Variants in IQCJ observed in about 807,000 individuals in gnomAD.
IQCJ encodes IQ domain-containing protein J.
IQCJ carries 9 observed loss-of-function variants against 11.0 expected under a neutral mutation model. The ratio of observed to expected loss-of-function variants is 0.82; its 90% CI spans 0.49 to 1.43. The LOEUF (loss-of-function observed/expected upper bound fraction) is 1.43, where lower values mean the gene tolerates loss of function less well. Among genes scored for constraint, IQCJ ranks in the 40% most tolerant of loss-of-function variants. The pLI is 0.00. For synonymous variants in IQCJ, 55 were observed against 51.3 expected, an observed-to-expected ratio of 1.07 and a Z score of -0.31; for missense variants, 146 against 133.2, an observed-to-expected ratio of 1.10 and a Z score of -0.47.
chr3:159,108,877 A>G (rs987110800), intron 1 of IQCJ, among the ~76,000 whole-genome samples: 7 of 152,218 alleles, frequency 4.6e-5, no homozygotes, highest in South Asian at 2.1e-4. Flanking sequence ...AACTACTGTA[A>G]TATAAAATGG....
At chr3:159,168,375 T>C (rs1324349022) in intron 1 of IQCJ, among the ~76,000 whole-genome samples, 2 of 152,216 alleles carry the variant, frequency 1.3e-5, no homozygotes, top group African/African-American at 4.8e-5. Flanking sequence ...TGTGTAAATC[T>C]CGTGACTTGA....
intron 1 of IQCJ, among the ~76,000 whole-genome samples, chr3:159,114,562 T>A (rs1437239963): frequency 1.4e-5 from 2 of 147,228 alleles, no homozygotes; most frequent in Non-Finnish European, 3.0e-5. Context: ...CCACCCCCCC[T>A]CGGCCTCTCA....
intron 1 of IQCJ, among the ~76,000 whole-genome samples, chr3:159,152,350 T>G (rs1577044115): frequency 6.6e-6 from 1 of 152,240 alleles, no homozygotes; most frequent in East Asian, 1.9e-4. Context: ...GGCCATAGTT[T>G]CCCTTCTCTG....
intron 1 of IQCJ, among the ~76,000 whole-genome samples, chr3:159,144,793 T>C (rs992802954): frequency 6.6e-6 from 1 of 152,064 alleles, no homozygotes; most frequent in African/African-American, 2.4e-5. Context: ...AAGGAGGAAA[T>C]AAAGCAATGA....
At chr3:159,243,674 G>A (rs747740401) in intron 1 of IQCJ, among the ~76,000 whole-genome samples, 31 of 152,208 alleles carry the variant, frequency 2.0e-4, no homozygotes, top group Middle Eastern at 6.8e-3. Context: ...ATATTGTTTC[G>A]GCTGTGACTC....
chr3:159,157,551 A>T (rs1281508970), intron 1 of IQCJ, among the ~76,000 whole-genome samples: 1 of 152,174 alleles, frequency 6.6e-6, no homozygotes, highest in Non-Finnish European at 1.5e-5. Context: ...AACTTTTTTA[A>T]AAAATGTTTT....
intron 1 of IQCJ, among the ~76,000 whole-genome samples, chr3:159,211,687 A>G (rs1480399467): frequency 1.3e-5 from 2 of 152,222 alleles, no homozygotes; most frequent in Admixed American, 6.5e-5. Flanking sequence ...TTAAATGGCA[A>G]TAAGGTGCAA....
intron 1 of IQCJ, among the ~76,000 whole-genome samples, chr3:159,107,729 G>A (rs1718351717): frequency 6.6e-6 from 1 of 152,104 alleles, no homozygotes; most frequent in Admixed American, 6.6e-5. Context: ...CCATTTTATG[G>A]ATGAAGAAAC....
chr3:159,251,259 T>C (rs923659040), intron 2 of IQCJ, among the ~76,000 whole-genome samples: 1 of 152,050 alleles, frequency 6.6e-6, no homozygotes, highest in African/African-American at 2.4e-5. Context: ...TCCAGCACAA[T>C]TTTTTTCTTT....
At chr3:159,106,349 A>T (rs1000394379) in intron 1 of IQCJ, among the ~76,000 whole-genome samples, 1 of 152,156 alleles carries the variant, frequency 6.6e-6, no homozygotes, top group Non-Finnish European at 1.5e-5. Context: ...AGTTGTCTGT[A>T]TAAAGATGGT....
At chr3:159,185,414 A>G (rs977332007) in intron 1 of IQCJ, among the ~76,000 whole-genome samples, 3 of 152,206 alleles carry the variant, frequency 2.0e-5, no homozygotes, top group Non-Finnish European at 4.4e-5. Context: ...AGTCTAAAAG[A>G]AGGATAGAAA....
In IQCJ at chr3:159,124,414, T is replaced by C. The variant is rs141444200; in HGVS notation, c.9+54973T>C. On this transcript the variant is annotated intron_variant, in intron 1 of 3. Coordinates refer to ENST00000397832, the MANE Select transcript of IQCJ (RefSeq NM_001042706.3). ...AATGTGGTCCCCAGGCTCAGATCAC[T>C]CTCCTCCTCACTCTCTGCACCCTGT... Among the ~76,000 whole-genome samples, 535 of 152,232 alleles carry C rather than the reference T, an allele frequency of 3.5e-3. 1 individual carries two copies. Among genetic ancestry groups the C allele is most frequent in the African/African-American group, 0.012 (514 of 41,526 alleles).
intron 1 of IQCJ, among the ~76,000 whole-genome samples, chr3:159,156,497 G>A (rs1266515939): frequency 6.6e-6 from 1 of 152,176 alleles, no homozygotes; most frequent in Non-Finnish European, 1.5e-5. Flanking sequence ...AAGTTTTGCT[G>A]TAGTGGAGTG....
intron 1 of IQCJ, among the ~76,000 whole-genome samples, chr3:159,112,662 G>A (rs1023598742): frequency 2.6e-5 from 4 of 152,122 alleles, no homozygotes; most frequent in Admixed American, 2.0e-4. Context: ...GATGCTGACC[G>A]TAGCCTCGCA....
At chr3:159,214,290 C>T (rs1325752019) in intron 1 of IQCJ, among the ~76,000 whole-genome samples, 1 of 152,104 alleles carries the variant, frequency 6.6e-6, no homozygotes, top group Non-Finnish European at 1.5e-5. Flanking sequence ...ACAACTCTCC[C>T]TTTTTTCCTG....
intron 1 of IQCJ, among the ~76,000 whole-genome samples, chr3:159,166,770 G>A (rs1001040645): frequency 3.9e-5 from 6 of 152,150 alleles, no homozygotes; most frequent in African/African-American, 1.4e-4. Context: ...TCAGCCAGTA[G>A]CTGATTTCAA....
At chr3:159,109,006 C>T (rs989635018) in intron 1 of IQCJ, among the ~76,000 whole-genome samples, 2 of 152,148 alleles carry the variant, frequency 1.3e-5, no homozygotes, top group South Asian at 2.1e-4. Context: ...AACACATTAT[C>T]TAATTTAATT....
intron 1 of IQCJ, among the ~76,000 whole-genome samples, chr3:159,074,386 A>T (rs1315786184): frequency 6.6e-6 from 1 of 152,126 alleles, no homozygotes; most frequent in Non-Finnish European, 1.5e-5. Context: ...GGAAGATAGT[A>T]CTCAAAAGGG....
intron 3 of IQCJ, among the ~76,000 whole-genome samples, chr3:159,254,498 G>A (rs1260159854): frequency 6.6e-6 from 1 of 152,172 alleles, no homozygotes; most frequent in African/African-American, 2.4e-5. Flanking sequence ...AGAAAGGAAG[G>A]AGAGAAAACT....
Sources: allele counts gnomAD v4.1 joint callset (sites outside exome capture counted in the v4.1 genomes callset), GRCh38; gene constraint gnomAD v4.1.1; transcripts MANE v1.5; gene names NCBI Gene and HGNC (gene_info 2026-07-23, HGNC 2026-07-21).